PKD2L2: variants seen among roughly 807,000 people sequenced by gnomAD.
PKD2L2 encodes polycystin-2-like protein 2.
Under a neutral mutation model 83.9 loss-of-function variants are expected in PKD2L2, and 67 were observed. That is an observed-to-expected ratio of 0.80 (90% CI 0.66 to 0.98). The LOEUF is 0.98. Among genes scored for constraint, PKD2L2 ranks in the 50% least tolerant of loss-of-function variants. The pLI is 0.00. For synonymous variants in PKD2L2, 223 were observed against 237.8 expected (o/e 0.94, Z 0.57); for missense variants, 632 against 717.2 (o/e 0.88, Z 1.36).
At chr5:137,916,730 G>C (rs892097377) in intron 8 of PKD2L2, among the ~76,000 whole-genome samples, 2 of 151,976 alleles carry the variant, frequency 1.3e-5, no homozygotes. Flanking sequence ...CACCACCTTG[G>C]CCTCCCAAAG....
intron 8 of PKD2L2, among the ~76,000 whole-genome samples, chr5:137,911,123 AT>A (rs1757799491): frequency 6.6e-6 from 1 of 151,560 alleles, no homozygotes; most frequent in Non-Finnish European, 1.5e-5. Flanking sequence ...ATAACTCCCT[AT>A]TTTCCCCTTC....
intron 14 of PKD2L2, chr5:137,940,402 T>C: frequency 7.4e-7 from 1 of 1,356,742 alleles, no homozygotes; most frequent in Non-Finnish European, 1.0e-6. Flanking sequence ...GAAAAAAAGA[T>C]CCAAAAGTTG....
At chr5:137,941,857 T>G in intron 14 of PKD2L2, 1 of 1,129,560 alleles carries the variant, frequency 8.9e-7, no homozygotes, top group Non-Finnish European at 1.3e-6. Context: ...GCACAATTTC[T>G]AATCCCACGT....
Position 137,894,356 on chromosome 5 carries a change from A to C in PKD2L2, c.271A>C (p.Met91Leu). ...IRSITDFWKF[M>L]EGPLLEGLYW... ...ACATTTGTTTTTCTCTGTGGAGTTT[A>C]TGGAAGGACCCCTTTTGGAAGGTCT... Residue 91 changes from methionine (M) to leucine (L), a missense_variant, in exon 4 of 15, where the codon ATG (methionine) becomes CTG (leucine). Met to Leu is a conservative substitution (Grantham distance 15). This residue lies in a region of PKD2L2 where 229 missense variants were observed against 281.5 expected (regional missense o/e 0.81). Coordinates refer to ENST00000508883, the MANE Select transcript of PKD2L2 (RefSeq NM_001300921.2). The C allele has an allele frequency of 1.9e-6, 3 of 1,597,616 alleles. No individual in the cohort carries two copies. The highest frequency in any genetic ancestry group is 2.6e-6 in the Non-Finnish European group (3 of 1,176,382).
At chr5:137,935,727 T>C in intron 12 of PKD2L2, 70 bp from the exon 13 acceptor site, 2 of 813,128 alleles carry the variant, frequency 2.5e-6, no homozygotes, top group Non-Finnish European at 4.1e-6. Context: ...AATCCTGTGA[T>C]GCTTGTGTGC....
intron 3 of PKD2L2, among the ~76,000 whole-genome samples, chr5:137,893,821 G>T (rs1189203478): frequency 1.3e-5 from 2 of 152,154 alleles, no homozygotes; most frequent in Non-Finnish European, 2.9e-5. Flanking sequence ...TAATAAAAGA[G>T]GTGGAGGTCA....
At chr5:137,934,427 A>G (rs1056241726) in intron 12 of PKD2L2, among the ~76,000 whole-genome samples, 6 of 152,204 alleles carry the variant, frequency 3.9e-5, no homozygotes, top group Admixed American at 3.3e-4. Flanking sequence ...TAGCACATTA[A>G]AAGTATTAGT....
chr5:137,927,175 A>G (rs1759445599), intron 12 of PKD2L2, among the ~76,000 whole-genome samples: 1 of 152,244 alleles, frequency 6.6e-6, no homozygotes, highest in Non-Finnish European at 1.5e-5. Context: ...AAAGAAAAGC[A>G]GTCATGTTAG....
chr5:137,907,955 A>G (rs1757495336), intron 7 of PKD2L2, 43 bp downstream of exon 7: 1 of 832,840 alleles, frequency 1.2e-6, no homozygotes, highest in Non-Finnish European at 1.7e-6. Context: ...GCAGTGTAAT[A>G]GCATAATGAA....
chr5:137,940,777 T>C (rs1022495775), intron 14 of PKD2L2, among the ~76,000 whole-genome samples: 1 of 152,222 alleles, frequency 6.6e-6, no homozygotes, highest in Non-Finnish European at 1.5e-5. Flanking sequence ...TCTAACTTTA[T>C]AGTAATGACC....
chr5:137,897,441 G>A (rs1756579175), intron 4 of PKD2L2, among the ~76,000 whole-genome samples: 1 of 152,064 alleles, frequency 6.6e-6, no homozygotes. Flanking sequence ...TTTTAAATTG[G>A]AATCCTAAGA....
chr5:137,894,646 C>A, intron 4 of PKD2L2, 37 bp downstream of exon 4: 2 of 1,516,998 alleles, frequency 1.3e-6, no homozygotes, highest in Non-Finnish European at 9.1e-7. Flanking sequence ...CTTTTTCTAG[C>A]ATTTACTGTT....
At chr5:137,933,656 AT>A (rs1403258953) in intron 12 of PKD2L2, among the ~76,000 whole-genome samples, 3 of 152,146 alleles carry the variant, frequency 2.0e-5, no homozygotes, top group Non-Finnish European at 4.4e-5. Flanking sequence ...AATAACCTTA[AT>A]TAGTTCAGAA....
intron 14 of PKD2L2, among the ~76,000 whole-genome samples, chr5:137,936,995 A>G (rs899192063): frequency 2.0e-5 from 3 of 152,200 alleles, no homozygotes; most frequent in African/African-American, 7.2e-5. Context: ...GTACAAGAAA[A>G]TGCTTCTAGT....
chr5:137,902,252 G>T (rs1016836110), intron 5 of PKD2L2, among the ~76,000 whole-genome samples: 1 of 151,966 alleles, frequency 6.6e-6, no homozygotes, highest in African/African-American at 2.4e-5. Flanking sequence ...TAAAGCAAAG[G>T]GTTGAAGGAA....
intron 14 of PKD2L2, chr5:137,939,756 C>T (rs1430815081): frequency 8.8e-6 from 6 of 684,514 alleles, no homozygotes; most frequent in African/African-American, 1.9e-5. Flanking sequence ...AACACAGTTG[C>T]GTATGTGCAC....
In PKD2L2 at chr5:137,925,929, TG is replaced by T. The variant is rs774008321; in HGVS notation, c.1671+1del. On this transcript the variant is annotated splice_donor_variant, in intron 12 of 14. Transcript: ENST00000508883. LOFTEE classifies it high-confidence loss of function. Reference sequence around the variant, plus strand: ...CCAGAAGAGAAGGCTTTGACGAAAATGTAAGATTTTAATTTTTTTCATAAAC... The same window carrying T: ...CCAGAAGAGAAGGCTTTGACGAAAATTAAGATTTTAATTTTTTTCATAAAC... 1 of 1,577,550 alleles carries T rather than the reference TG, an allele frequency of 6.3e-7. No individual in the cohort carries two copies. Among genetic ancestry groups the T allele is most frequent in the Non-Finnish European group, 8.7e-7 (1 of 1,150,342 alleles).
intron 8 of PKD2L2, among the ~76,000 whole-genome samples, chr5:137,914,618 A>C (rs550633802): frequency 4.3e-4 from 66 of 152,202 alleles, no homozygotes; most frequent in African/African-American, 1.2e-3. Context: ...GGGTGCCTTT[A>C]TTTCTTTTTC....
At chr5:137,919,539 A>G (rs1258724920) in intron 8 of PKD2L2, among the ~76,000 whole-genome samples, 1 of 151,228 alleles carries the variant, frequency 6.6e-6, no homozygotes, top group African/African-American at 2.4e-5. Context: ...CAACTCAAAG[A>G]TGAAAGATCA....
Sources: allele counts gnomAD v4.1 joint callset (sites outside exome capture counted in the v4.1 genomes callset), GRCh38; gene constraint gnomAD v4.1.1; regional missense constraint gnomAD v4.1.1; transcripts MANE v1.5; gene names NCBI Gene and HGNC (gene_info 2026-07-23, HGNC 2026-07-21).